DYSF: variants seen among roughly 807,000 people sequenced by gnomAD.
DYSF encodes the protein dystrophy-associated fer-1-like 1.
In DYSF, 212 loss-of-function variants were observed where a neutral mutation model predicts 274.9. The observed-to-expected ratio is 0.77, with a 90% CI of 0.69 to 0.86. The LOEUF (loss-of-function observed/expected upper bound fraction) is 0.86. DYSF is among the 40% of genes least tolerant of loss of function. The pLI is 0.00. For synonymous variants in DYSF, 1,091 were observed against 1,078.7 expected, an observed-to-expected ratio of 1.01 and a Z score of -0.22; for missense variants, 2,666 against 2,783.2, an observed-to-expected ratio of 0.96 and a Z score of 0.95.
At chr2:71,499,823 C>T (rs1017667559) in intron 3 of DYSF, among the ~76,000 whole-genome samples, 12 of 152,194 alleles carry the variant, frequency 7.9e-5, no homozygotes, top group Admixed American at 2.6e-4. Context: ...GCTGGGAGCA[C>T]CTGTGGTGTT....
intron 29 of DYSF, among the ~76,000 whole-genome samples, chr2:71,572,579 C>T (rs1413813554): frequency 6.6e-6 from 1 of 152,232 alleles, no homozygotes; most frequent in Non-Finnish European, 1.5e-5. Flanking sequence ...GATGCAGCTT[C>T]AGGCAGGTCA....
rs1333070050 is a variant in DYSF at position 71,539,219 on chromosome 2, C to T, written c.1556C>T (p.Ala519Val). 5 of 1,613,990 alleles carry T rather than the reference C, an allele frequency of 3.1e-6. No homozygotes were observed. The East Asian group carries it at 1.1e-4, about 36-fold the overall frequency. The change falls in exon 17 of 56, where the codon GCC (alanine) becomes GTC (valine). Residue 519 changes from alanine (A) to valine (V), a missense_variant. Physicochemically the swap from Ala to Val is moderately conservative, Grantham distance 64 (BLOSUM62 0). Around this residue, in one of 3 missense-constraint regions of DYSF, gnomAD observed 794 missense variants for 777.1 expected, o/e 1.02. Coordinates refer to ENST00000410020, the MANE Select transcript of DYSF (RefSeq NM_001130987.2). ...TACCTGAGTATGTCGAAAATCTCTG[C>T]CCCTGGAGGAGAAATAGAAGGTATG... ...TTYLSMSKIS[A>V]PGGEIEVDDY...
At chr2:71,582,754 G>T (rs539930736) in intron 30 of DYSF, among the ~76,000 whole-genome samples, 28 of 152,142 alleles carry the variant, frequency 1.8e-4, no homozygotes, top group Non-Finnish European at 3.7e-4. Flanking sequence ...TTTCAAGCTA[G>T]CAATGTGGCA....
At chr2:71,603,079 G>A (rs1381847891) in intron 36 of DYSF, among the ~76,000 whole-genome samples, 1 of 152,208 alleles carries the variant, frequency 6.6e-6, no homozygotes, top group Non-Finnish European at 1.5e-5. Context: ...ATTCTTAAAT[G>A]ATTAAGTACC....
At chr2:71,588,118 G>A (rs1478395050) in intron 30 of DYSF, among the ~76,000 whole-genome samples, 1 of 152,210 alleles carries the variant, frequency 6.6e-6, no homozygotes, top group Non-Finnish European at 1.5e-5. Flanking sequence ...GAGTGAGTGT[G>A]TCTGGGACAG....
At chr2:71,503,392 ATTC>A (rs2085183938) in intron 4 of DYSF, 73 bp downstream of exon 4, 1 of 1,471,950 alleles carries the variant, frequency 6.8e-7, no homozygotes, top group Non-Finnish European at 9.5e-7. Flanking sequence ...GGGCCTTGCC[ATTC>A]TGACCCCAGA....
At chr2:71,559,804 C>T (rs115974011) in intron 22 of DYSF, among the ~76,000 whole-genome samples, 2,088 of 152,340 alleles carry the variant, frequency 0.014, 50 homozygotes, top group African/African-American at 0.048. Context: ...CTCTGTTCTG[C>T]GGACTTCCTG....
intron 12 of DYSF, 72 bp from the exon 13 acceptor site, chr2:71,526,148 A>G (rs1373094138): frequency 1.9e-6 from 3 of 1,613,152 alleles, no homozygotes; most frequent in Admixed American, 3.3e-5. Flanking sequence ...CGAAGCTGGA[A>G]CTCTTAGAAA....
intron 3 of DYSF, among the ~76,000 whole-genome samples, chr2:71,484,139 A>G (rs1340604252): frequency 1.6e-5 from 2 of 123,554 alleles, no homozygotes; most frequent in African/African-American, 3.2e-5. Flanking sequence ...TGCAACCTCC[A>G]CCTCCCAGGT....
rs2094908260 is a variant in DYSF at position 71,662,651 on chromosome 2, G to GTA, written c.5004-1616_5004-1615insAT. On this transcript the variant is annotated intron_variant, in intron 45 of 55. Transcript: ENST00000410020. ...TGGCATGTGTGTATTTTGTGTGTAT[G>GTA]TGTCTCTGTGTCCATGTGTCCGTGT... is the stretch of plus-strand genomic sequence containing the variant. Among the ~76,000 whole-genome samples the GTA allele has an allele frequency of 5.3e-5, 8 of 150,206 alleles. No individual in the cohort carries two copies. The South Asian group carries it at 1.8e-3, about 34-fold the overall frequency.
intron 24 of DYSF, among the ~76,000 whole-genome samples, chr2:71,564,702 G>A (rs1427481086): frequency 2.6e-5 from 4 of 152,190 alleles, no homozygotes; most frequent in Non-Finnish European, 5.9e-5. Context: ...ACCACAATCT[G>A]GACCCACTGG....
At chr2:71,600,480 G>A (rs1364314031) in intron 33 of DYSF, among the ~76,000 whole-genome samples, 2 of 152,214 alleles carry the variant, frequency 1.3e-5, no homozygotes, top group African/African-American at 4.8e-5. Flanking sequence ...TCCCGACCAT[G>A]ATGGGAATTC....
intron 24 of DYSF, among the ~76,000 whole-genome samples, chr2:71,566,972 C>T (rs767632885): frequency 6.6e-6 from 1 of 152,170 alleles, no homozygotes; most frequent in African/African-American, 2.4e-5. Flanking sequence ...ACCTCAGCTG[C>T]CCTTTCATCT....
Position 71,656,228 on chromosome 2 carries a change from A to G in DYSF, c.4693A>G (p.Lys1565Glu), listed in dbSNP as rs1205073159. 26 of 1,614,194 alleles carry G rather than the reference A, an allele frequency of 1.6e-5. No homozygotes were observed. In the East Asian group the frequency reaches 5.6e-4, roughly 35 times the overall value. Reference sequence around the variant, plus strand: ...CCTGTCTGACTTTTGTAACACCTTCAAGCTGTACCGGGGCAAGACGCAGGA... The same window carrying G: ...CCTGTCTGACTTTTGTAACACCTTCGAGCTGTACCGGGGCAAGACGCAGGA... Reference protein sequence around the residue: ...EGLSDFCNTFKLYRGKTQEET... With the variant: ...EGLSDFCNTFELYRGKTQEET... The change falls in exon 43 of 56, where the codon AAG becomes GAG. Residue 1565 changes from lysine (K) to glutamate (E), a missense_variant. Transcript: ENST00000410020.
At chr2:71,618,204 T>G (rs1558638029) in intron 40 of DYSF, among the ~76,000 whole-genome samples, 4 of 34,400 alleles carry the variant, frequency 1.2e-4, no homozygotes, top group Admixed American at 3.6e-4. Context: ...GTGGTAGAGA[T>G]GGGATGTGTG....
At position 71,590,252 on chromosome 2, in the gene DYSF, C is replaced by A; in HGVS notation, c.3538C>A (p.Arg1180=). ...TCTACGCTGCTACATGTACCAGGCC[C>A]GGGACCTGGCTGCGATGGACAAGGA... The part of the protein sequence containing the change: ...YHLRCYMYQA[R]DLAAMDKDSF... The change falls in exon 32 of 56, where the codon CGG becomes AGG. Residue 1180 remains arginine (R), a synonymous_variant. Transcript: ENST00000410020. 6.2e-7 allele frequency: 1 copy of A among 1,614,092 alleles called. No homozygotes were observed. Among genetic ancestry groups the A allele is most frequent in the African/African-American group, 1.3e-5 (1 of 75,008 alleles).
chr2:71,544,943 A>C (rs531244533), intron 17 of DYSF, among the ~76,000 whole-genome samples: 16 of 152,288 alleles, frequency 1.1e-4, no homozygotes, highest in Non-Finnish European at 2.1e-4. Flanking sequence ...CCCTCAGGGA[A>C]CTTAGAGTCC....
intron 32 of DYSF, among the ~76,000 whole-genome samples, chr2:71,591,623 A>G (rs1002665112): frequency 3.9e-5 from 6 of 152,256 alleles, no homozygotes; most frequent in Non-Finnish European, 7.3e-5. Flanking sequence ...ATAGCTACCA[A>G]GTGACAGAGC....
chr2:71,684,349 G>A (rs1172592719), intron 55 of DYSF, among the ~76,000 whole-genome samples: 1 of 152,228 alleles, frequency 6.6e-6, no homozygotes, highest in Non-Finnish European at 1.5e-5. Flanking sequence ...GGTGTCTCCT[G>A]CCCAGGGGGC....
Sources: allele counts gnomAD v4.1 joint callset (sites outside exome capture counted in the v4.1 genomes callset), GRCh38; gene constraint gnomAD v4.1.1; regional missense constraint gnomAD v4.1.1; transcripts MANE v1.5; gene names NCBI Gene and HGNC (gene_info 2026-07-23, HGNC 2026-07-21).